The following CEP162 variants were observed in gnomAD, a reference collection of about 807,000 sequenced individuals.
CEP162 encodes the protein centrosomal protein 162.
CEP162 carries 141 observed loss-of-function variants against 169.2 expected under a neutral mutation model. That is an observed-to-expected ratio of 0.83 (90% confidence interval 0.73 to 0.96). The LOEUF (loss-of-function observed/expected upper bound fraction) is 0.96. CEP162 is among the 40% of genes least tolerant of loss of function. The probability of loss-of-function intolerance (pLI) is 0.00; values close to 1 mark genes in which losing one functional copy is unlikely to be tolerated. For synonymous variants in CEP162, 540 were observed against 526.4 expected (o/e 1.03, Z -0.35); for missense variants, 1,600 against 1,587.2 (o/e 1.01, Z -0.14).
Position 84,196,063 on chromosome 6 carries a change from C to T in CEP162, c.836-988G>A, listed in dbSNP as rs2099541996. On this transcript the variant is annotated intron_variant, in intron 9 of 26. Transcript: ENST00000403245. Reference sequence around the variant, plus strand: ...AGAAACCTTGATGTCATCATTCACTCTTCCTTCCCTATTAGCCTTCTGATA... The same window carrying T: ...AGAAACCTTGATGTCATCATTCACTTTTCCTTCCCTATTAGCCTTCTGATA... Among the ~76,000 whole-genome samples, 5 of 152,302 alleles carry T rather than the reference C, an allele frequency of 3.3e-5. No homozygotes were observed. The South Asian group carries it at 1.0e-3, about 32-fold the overall frequency.
intron 26 of CEP162, among the ~76,000 whole-genome samples, chr6:84,125,546 A>G (rs1486607035): frequency 6.6e-6 from 1 of 152,164 alleles, no homozygotes; most frequent in African/African-American, 2.4e-5. Context: ...AATGAATGTT[A>G]AATGAGATCA....
intron 25 of CEP162, among the ~76,000 whole-genome samples, chr6:84,140,521 C>A (rs962577190): frequency 6.0e-5 from 9 of 150,780 alleles, no homozygotes; most frequent in African/African-American, 2.0e-4. Flanking sequence ...CAAAAGGCTT[C>A]TTGGTTTTTT....
At chr6:84,207,439 C>T (rs2099547633) in intron 6 of CEP162, among the ~76,000 whole-genome samples, 1 of 151,944 alleles carries the variant, frequency 6.6e-6, no homozygotes, top group Non-Finnish European at 1.5e-5. Context: ...AAGCTAGAAA[C>T]CATCATTCTG....
intron 25 of CEP162, among the ~76,000 whole-genome samples, chr6:84,131,384 C>G (rs951739934): frequency 3.0e-4 from 46 of 152,280 alleles, no homozygotes; most frequent in African/African-American, 1.1e-3. Flanking sequence ...GAGCTGAGTT[C>G]AAGTCCTGAA....
intron 25 of CEP162, among the ~76,000 whole-genome samples, chr6:84,139,049 C>T (rs915621832): frequency 6.6e-6 from 1 of 152,126 alleles, no homozygotes; most frequent in East Asian, 1.9e-4. Flanking sequence ...CATCAAAGAA[C>T]GGGATGTGCA....
intron 19 of CEP162, 63 bp from the exon 20 acceptor site, chr6:84,161,972 T>A: frequency 9.6e-7 from 1 of 1,043,976 alleles, no homozygotes. Context: ...ATAAACTAAA[T>A]TAAAAGATTT....
At chr6:84,219,128 C>G (rs1385943924) in intron 3 of CEP162, 3 of 1,243,512 alleles carry the variant, frequency 2.4e-6, no homozygotes, top group Non-Finnish European at 3.2e-6. Context: ...TAATGCATTC[C>G]TCTTCTCAAG....
chr6:84,156,611 T>C lies in CEP162; in HGVS notation c.2782-1101A>G, dbSNP rs145603268. 8.6e-4 allele frequency among the ~76,000 whole-genome samples: 131 copies of C among 152,270 alleles called. 4 individuals are homozygous for C. The East Asian group carries it at 0.017, about 19-fold the overall frequency. ...TGGAGAAAAGGGAACACGTGTACAC[T>C]GTTGGTGGGAGTATAAATTAGTAAA... On this transcript the variant is annotated intron_variant, in intron 21 of 26. Coordinates refer to ENST00000403245, the MANE Select transcript of CEP162 (RefSeq NM_014895.4).
At position 84,171,561 on chromosome 6, in the gene CEP162, A is replaced by T; in HGVS notation, c.2279+45T>A. The T allele has an allele frequency of 4.4e-6, 3 of 681,750 alleles. No individual in the cohort carries two copies. The East Asian group carries it at 9.6e-5, about 22-fold the overall frequency. 42.2% of individuals were successfully genotyped at this position (681,750 alleles called of 1,614,324 possible). A position where few individuals can be genotyped will look rare whatever the true frequency, so the allele number is the denominator to read the frequency against. ...ATTAACATAATAAGAAAATGCTTGA[A>T]ATAGTCTAAGTATATTTGATTTTAA... On this transcript the variant is annotated intron_variant, in intron 17 of 26. Transcript: ENST00000403245.
chr6:84,204,384 G>A (rs1373801358), intron 6 of CEP162, among the ~76,000 whole-genome samples: 1 of 152,158 alleles, frequency 6.6e-6, no homozygotes, highest in African/African-American at 2.4e-5. Flanking sequence ...CTGTCTCTCA[G>A]ACCACAGTGC....
At chr6:84,145,084 G>A (rs2099518242) in intron 25 of CEP162, among the ~76,000 whole-genome samples, 1 of 152,064 alleles carries the variant, frequency 6.6e-6, no homozygotes, top group Non-Finnish European at 1.5e-5. Flanking sequence ...AAAATACATT[G>A]ACTTTCTGAC....
At position 84,152,928 on chromosome 6, in the gene CEP162, A is replaced by G. The variant is rs779555185; in HGVS notation, c.3246T>C (p.His1082=). 6.2e-6 allele frequency: 10 copies of G among 1,613,646 alleles called. No homozygotes were observed. In the African/African-American group the frequency reaches 1.2e-4, roughly 19 times the overall value. The part of the protein sequence containing the change: ...QSIEFQVEQA[H]AKAKLVRLNE... ...TGAGTCTTACTAATTTAGCTTTAGCATGAGCCTGTTCCACCTGGAATTCTA... is the reference window on the plus strand; with the variant it reads ...TGAGTCTTACTAATTTAGCTTTAGCGTGAGCCTGTTCCACCTGGAATTCTA... The change falls in exon 23 of 27, where the codon CAT becomes CAC. Residue 1082 remains histidine (H), a synonymous_variant. Transcript: ENST00000403245.
intron 10 of CEP162, 43 bp downstream of exon 10, chr6:84,194,841 A>G: frequency 7.5e-7 from 1 of 1,332,870 alleles, no homozygotes; most frequent in Non-Finnish European, 1.1e-6. Context: ...AACTCTTTAG[A>G]AAGGATATCA....
chr6:84,125,899 C>T (rs1254003552), intron 26 of CEP162, among the ~76,000 whole-genome samples: 2 of 152,178 alleles, frequency 1.3e-5, no homozygotes, highest in Non-Finnish European at 2.9e-5. Context: ...AGTTAAATTT[C>T]AGCACCAAGG....
At chr6:84,147,641 A>T (rs2099519493) in intron 24 of CEP162, among the ~76,000 whole-genome samples, 1 of 152,134 alleles carries the variant, frequency 6.6e-6, no homozygotes, top group African/African-American at 2.4e-5. Context: ...AGGGGGGGAA[A>T]ATAAATATGA....
intron 13 of CEP162, among the ~76,000 whole-genome samples, chr6:84,180,121 C>A (rs535477064): frequency 2.6e-5 from 4 of 152,262 alleles, no homozygotes; most frequent in African/African-American, 9.6e-5. Flanking sequence ...CCGAATCCAG[C>A]AGCACATCAA....
At chr6:84,194,047 A>G (rs963117974) in intron 10 of CEP162, among the ~76,000 whole-genome samples, 6 of 152,180 alleles carry the variant, frequency 3.9e-5, no homozygotes, top group Non-Finnish European at 5.9e-5. Context: ...TCTTAATTTG[A>G]TCAAGGCATA....
rs1482413874 is a variant in CEP162, at chr6:84,174,037, A to C, written c.2166+11T>G. ...AGAGTAAATTTGCCATATGTTGAAGAATTGCCATACCTGTTGATATCCTTG... is the reference window on the plus strand; with the variant it reads ...AGAGTAAATTTGCCATATGTTGAAGCATTGCCATACCTGTTGATATCCTTG... On this transcript the variant is annotated intron_variant, in intron 16 of 26. Transcript: ENST00000403245. The C allele has an allele frequency of 3.7e-6, 6 of 1,605,450 alleles. No homozygotes were observed. The South Asian group carries it at 6.7e-5, about 18-fold the overall frequency.
chr6:84,224,909 TA>T (rs879412170), intron 2 of CEP162, among the ~76,000 whole-genome samples: 1 of 152,244 alleles, frequency 6.6e-6, no homozygotes, highest in Non-Finnish European at 1.5e-5. Context: ...TTTGAAATTT[TA>T]AAAAATCAAC....
Sources: allele counts gnomAD v4.1 joint callset (sites outside exome capture counted in the v4.1 genomes callset), GRCh38; gene constraint gnomAD v4.1.1; transcripts MANE v1.5; gene names NCBI Gene and HGNC (gene_info 2026-07-23, HGNC 2026-07-21).